The following INTS6L variants were observed in gnomAD, a reference collection of about 807,000 sequenced individuals.
INTS6L encodes integrator complex subunit 6-like.
Under a neutral mutation model 64.7 loss-of-function variants are expected in INTS6L, and 18 were observed. The ratio of observed to expected loss-of-function variants is 0.28; its 90% CI spans 0.19 to 0.41. The LOEUF (loss-of-function observed/expected upper bound fraction) is 0.41. INTS6L is among the 10% of genes least tolerant of loss of function. The pLI, the probability that INTS6L is intolerant of heterozygous loss-of-function variation, is 1.00. For missense variants in INTS6L, 533 were observed against 661.0 expected (o/e 0.81, Z 2.12); for synonymous variants, 227 against 235.9 (o/e 0.96, Z 0.34).
intron 3 of INTS6L, among the ~76,000 whole-genome samples, chrX:135,546,085 A>G (rs1327099242): frequency 8.9e-6 from 1 of 112,237 alleles, no homozygotes; most frequent in African/African-American, 3.2e-5. Flanking sequence ...TGATAATGCC[A>G]GTAATCTTGT....
At chrX:135,576,584 C>T (rs1445515112) in intron 14 of INTS6L, among the ~76,000 whole-genome samples, 1 of 111,195 alleles carries the variant, frequency 9.0e-6, no homozygotes, top group African/African-American at 3.3e-5. Flanking sequence ...TATACTGCTG[C>T]CTCTCATCTT....
At chrX:135,568,898 C>T (rs1316990379) in intron 9 of INTS6L, among the ~76,000 whole-genome samples, 1 of 111,591 alleles carries the variant, frequency 9.0e-6, no homozygotes, top group Non-Finnish European at 1.9e-5. Context: ...ATAGGCTTAG[C>T]TTTTGTTTGT....
rs781880549 is a variant in INTS6L at position 135,548,520 on chromosome X, G to T, written c.743-1122G>T. Among the ~76,000 whole-genome samples, 8 of 111,598 alleles carry T rather than the reference G, an allele frequency of 7.2e-5. No homozygotes were observed. The Admixed American group carries it at 7.6e-4, about 11-fold the overall frequency. Reference sequence around the variant, plus strand: ...TGGGAACTTACATATTGAAATTCTAGTAGGATTTGGTGTCATGTAAATGGC... The same window carrying T: ...TGGGAACTTACATATTGAAATTCTATTAGGATTTGGTGTCATGTAAATGGC... On this transcript the variant is annotated intron_variant, in intron 6 of 17. Coordinates refer to ENST00000639893, the MANE Select transcript of INTS6L (RefSeq NM_001351601.3).
intron 6 of INTS6L, among the ~76,000 whole-genome samples, chrX:135,548,714 G>T (rs1248128503): frequency 7.2e-5 from 8 of 111,095 alleles, no homozygotes; most frequent in African/African-American, 2.0e-4. Context: ...CTACTGCACA[G>T]TGGACCCATT....
At chrX:135,534,183 T>C (rs1308341618) in intron 2 of INTS6L, among the ~76,000 whole-genome samples, 3 of 109,351 alleles carry the variant, frequency 2.7e-5, no homozygotes, top group African/African-American at 1.0e-4. Flanking sequence ...TTTAAAATTT[T>C]CTAGATCCTT....
chrX:135,520,964 G>C lies in INTS6L; in HGVS notation c.-29G>C. 8.4e-7 allele frequency: 1 copy of C among 1,193,291 alleles called. No individual in the cohort carries two copies. ...GTGAGGGCAAGAGGGCCGGGAGAGT[G>C]GGGAGCGGAGGCAGGAGTGCGGGGG... is the stretch of plus-strand genomic sequence containing the variant. On this transcript the variant is annotated 5_prime_UTR_variant, in exon 1 of 18. Transcript: ENST00000639893.
Position 135,520,874 on chromosome X carries a change from T to C in INTS6L, c.-119T>C. On this transcript the variant is annotated 5_prime_UTR_variant, in exon 1 of 18. Transcript: ENST00000639893. ...CGTCCCGTCCCGTCCCGTCTCCCCC[T>C]CTTCCTCTTGCTCCTTGCTCCCCGG... The C allele has an allele frequency of 1.3e-6, 1 of 760,735 alleles. No homozygotes were observed. Among genetic ancestry groups the C allele is most frequent in the Non-Finnish European group, 2.0e-6 (1 of 510,227 alleles). The allele number at this position is 760,735 out of a possible 1,213,427, so 62.7% of individuals were successfully genotyped here. A position where few individuals can be genotyped will look rare whatever the true frequency, so the allele number is the denominator to read the frequency against.
At chrX:135,574,192 G>T in intron 13 of INTS6L, 130 bp downstream of exon 13, 1 of 754,491 alleles carries the variant, frequency 1.3e-6, no homozygotes, top group Non-Finnish European at 1.8e-6. Flanking sequence ...TGTTTTCACT[G>T]AATCCCTATG....
At chrX:135,572,748 C>T (rs2087122975) in intron 11 of INTS6L, 67 bp from the exon 12 acceptor site, 1 of 939,377 alleles carries the variant, frequency 1.1e-6, no homozygotes, top group South Asian at 2.4e-5. Flanking sequence ...TATTATCTTT[C>T]TTAAGTAGTA....
intron 2 of INTS6L, among the ~76,000 whole-genome samples, chrX:135,527,009 TTC>T (rs781983353): frequency 1.4e-4 from 16 of 112,189 alleles, no homozygotes; most frequent in East Asian, 2.8e-4. Flanking sequence ...GTGTATATAT[TTC>T]TCTTTTTTCT....
intron 9 of INTS6L, among the ~76,000 whole-genome samples, chrX:135,566,040 C>T (rs2086938716): frequency 8.9e-6 from 1 of 111,759 alleles, no homozygotes. Context: ...TCAACATTTC[C>T]ATAATTACTT....
chrX:135,577,237 A>T lies in INTS6L; in HGVS notation c.1929A>T (p.Gln643His). The change falls in exon 15 of 18, where the codon CAA becomes CAT. Residue 643 changes from glutamine (Q) to histidine (H), a missense_variant. Gln to His is a conservative substitution (Grantham distance 24). Transcript: ENST00000639893. ...DEADEFVAGP[Q>H]NKVKRPGEPN... ...CAGATGAGTTTGTAGCAGGGCCACAAAACAAAGTGAAACGTCCAGGGGAAC... is the reference window on the plus strand; with the variant it reads ...CAGATGAGTTTGTAGCAGGGCCACATAACAAAGTGAAACGTCCAGGGGAAC... 4 of 1,211,585 alleles carry T rather than the reference A, an allele frequency of 3.3e-6. No individual in the cohort carries two copies. Among genetic ancestry groups the T allele is most frequent in the Non-Finnish European group, 4.5e-6 (4 of 895,513 alleles).
chrX:135,555,361 G>T (rs2086622863), intron 8 of INTS6L, among the ~76,000 whole-genome samples: 1 of 111,821 alleles, frequency 8.9e-6, no homozygotes, highest in South Asian at 3.7e-4. Flanking sequence ...AAAGATGCAT[G>T]GAGCAAAGAC....
At chrX:135,559,539 C>A (rs2086728436) in intron 9 of INTS6L, among the ~76,000 whole-genome samples, 1 of 112,064 alleles carries the variant, frequency 8.9e-6, no homozygotes, top group African/African-American at 3.2e-5. Context: ...TCCACCTGTT[C>A]ACCTGTTGAA....
In INTS6L at chrX:135,579,892, A is replaced by G; in HGVS notation, c.2224A>G (p.Thr742Ala). The G allele has an allele frequency of 8.3e-7, 1 of 1,211,566 alleles. No individual in the cohort carries two copies. The highest frequency in any genetic ancestry group is 1.1e-6 in the Non-Finnish European group (1 of 895,438). Residue 742 changes from threonine to alanine, a missense_variant, in exon 16 of 18, where the codon ACA (threonine) becomes GCA (alanine). By Grantham distance (58) the Thr-to-Ala change is moderately conservative. Transcript: ENST00000639893. ...TGCTCCATCAGAGCTTATAAATATG[A>G]CAGGAGATCTTATGCCACCCAACCA... is the stretch of plus-strand genomic sequence containing the variant. ...KSAPSELINM[T>A]GDLMPPNQVD...
Position 135,520,950 on chromosome X carries a change from AG to A in INTS6L, c.-40del, listed in dbSNP as rs2085520229. ...GGCCGTACGCGGCAGTGAGGGCAAG[AG>A]GGCCGGGAGAGTGGGGAGCGGAGGC... On this transcript the variant is annotated 5_prime_UTR_variant, in exon 1 of 18. Coordinates refer to ENST00000639893, the MANE Select transcript of INTS6L (RefSeq NM_001351601.3). 1.7e-6 allele frequency: 2 copies of A among 1,174,079 alleles called. No individual in the cohort carries two copies. The highest frequency in any genetic ancestry group is 6.0e-5 in the East Asian group (2 of 33,577).
At chrX:135,570,292 A>G (rs1284177480) in intron 10 of INTS6L, 144 bp from the exon 11 acceptor site, 1 of 468,092 alleles carries the variant, frequency 2.1e-6, no homozygotes, top group Non-Finnish European at 3.2e-6. Flanking sequence ...TTTCATTGCC[A>G]CTTTTTAATG....
chrX:135,537,500 GT>G (rs1388383305), intron 2 of INTS6L, among the ~76,000 whole-genome samples: 1 of 111,301 alleles, frequency 9.0e-6, no homozygotes, highest in African/African-American at 3.3e-5. Context: ...CTTAGAGTTG[GT>G]TTTTCAGCCC....
chrX:135,537,281 A>G (rs1569508595), intron 2 of INTS6L, among the ~76,000 whole-genome samples: 1 of 112,094 alleles, frequency 8.9e-6, no homozygotes, highest in Non-Finnish European at 1.9e-5. Context: ...TTCTGTTGGT[A>G]TGAAAAGACA....
Sources: allele counts gnomAD v4.1 joint callset (sites outside exome capture counted in the v4.1 genomes callset), GRCh38; gene constraint gnomAD v4.1.1; transcripts MANE v1.5; gene names NCBI Gene and HGNC (gene_info 2026-07-23, HGNC 2026-07-21).